The following GAP43 variants were observed in gnomAD, a reference collection of about 807,000 sequenced individuals.
The protein encoded by GAP43 is growth associated protein 43.
A neutral mutation model predicts 18.6 loss-of-function variants in GAP43; 6 were observed. That is an observed-to-expected ratio of 0.32 (90% confidence interval 0.18 to 0.64). The LOEUF (loss-of-function observed/expected upper bound fraction) is 0.64. Among genes scored for constraint, GAP43 ranks in the 30% least tolerant of loss-of-function variants. The pLI, the probability that GAP43 is intolerant of heterozygous loss-of-function variation, is 0.78. For synonymous variants in GAP43, 115 were observed against 111.4 expected (o/e 1.03, Z -0.20); for missense variants, 292 against 295.5 (o/e 0.99, Z 0.09).
chr3:115,672,203 G>A (rs902209768), intron 1 of GAP43, among the ~76,000 whole-genome samples: 2 of 152,142 alleles, frequency 1.3e-5, no homozygotes, highest in African/African-American at 2.4e-5. Context: ...TCCCTCACTC[G>A]CTGTATGAAT....
chr3:115,670,147 T>TC (rs1171232270), intron 1 of GAP43, among the ~76,000 whole-genome samples: 3 of 57,444 alleles, frequency 5.2e-5, no homozygotes, highest in African/African-American at 6.9e-5. Context: ...CCCTCCCCCC[T>TC]CCCCCGACCC....
At chr3:115,704,914 GAAC>G (rs1032653466) in intron 2 of GAP43, among the ~76,000 whole-genome samples, 3 of 152,076 alleles carry the variant, frequency 2.0e-5, no homozygotes, top group African/African-American at 7.2e-5. Flanking sequence ...GTAATTTCAT[GAAC>G]AACTACAAGC....
intron 2 of GAP43, among the ~76,000 whole-genome samples, chr3:115,717,886 C>T (rs376019519): frequency 2.6e-5 from 4 of 152,120 alleles, no homozygotes; most frequent in African/African-American, 9.7e-5. Context: ...TGTCCTAGGA[C>T]CAGGCAATGG....
At chr3:115,652,486 G>A (rs2107476140) in intron 1 of GAP43, among the ~76,000 whole-genome samples, 1 of 145,660 alleles carries the variant, frequency 6.9e-6, no homozygotes, top group Non-Finnish European at 1.5e-5. Flanking sequence ...CTGGGATCAA[G>A]CAATTCTCCC....
chr3:115,652,941 T>C (rs530262148), intron 1 of GAP43, among the ~76,000 whole-genome samples: 1 of 152,186 alleles, frequency 6.6e-6, no homozygotes, highest in Non-Finnish European at 1.5e-5. Flanking sequence ...TGCAACTGAA[T>C]GTGTTCTGCT....
intron 1 of GAP43, among the ~76,000 whole-genome samples, chr3:115,661,709 C>T (rs955746707): frequency 6.6e-6 from 1 of 151,854 alleles, no homozygotes; most frequent in Non-Finnish European, 1.5e-5. Flanking sequence ...AGGATGGTCT[C>T]GATCTCCTGA....
rs754424054 is a variant in GAP43, at chr3:115,623,687, A to G, written c.-3A>G. 6.2e-7 allele frequency: 1 copy of G among 1,614,212 alleles called. No individual in the cohort carries two copies. Among genetic ancestry groups the G allele is most frequent in the Non-Finnish European group, 8.5e-7 (1 of 1,180,004 alleles). ...CAGGAAGAAGGCAAGGGACGAGACA[A>G]CCATGCTGTGCTGTATGAGAAGAAC... is the stretch of plus-strand genomic sequence containing the variant. On this transcript the variant is annotated 5_prime_UTR_variant, in exon 1 of 3. Coordinates refer to ENST00000305124, the MANE Select transcript of GAP43 (RefSeq NM_002045.4).
chr3:115,676,138 A>T lies in GAP43; in HGVS notation c.156A>T (p.Lys52Asn). 6.2e-7 allele frequency: 1 copy of T among 1,614,208 alleles called. No homozygotes were observed. Residue 52 changes from lysine to asparagine, a missense_variant, in exon 2 of 3, where the codon AAA becomes AAT. Transcript: ENST00000305124. ...GACACATAACAAGGAAAAAGCTCAA[A>T]GGAGAGAAGAAGGATGATGTCCAAG... Reference protein sequence around the residue: ...FRGHITRKKLKGEKKDDVQAA... With the variant: ...FRGHITRKKLNGEKKDDVQAA...
At chr3:115,688,006 A>ATTATTTAT (rs59423282) in intron 2 of GAP43, among the ~76,000 whole-genome samples, 253 of 149,900 alleles carry the variant, frequency 1.7e-3, no homozygotes, top group African/African-American at 4.5e-3. Context: ...AAATTTTTTT[A>ATTATTTAT]TTATTTATTT....
chr3:115,666,515 G>C (rs1708736208), intron 1 of GAP43, among the ~76,000 whole-genome samples: 2 of 152,274 alleles, frequency 1.3e-5, no homozygotes, highest in South Asian at 2.1e-4. Context: ...CAATAATTAT[G>C]ATGAGAATAA....
chr3:115,650,959 T>C (rs571851771), intron 1 of GAP43, among the ~76,000 whole-genome samples: 57 of 151,876 alleles, frequency 3.8e-4, no homozygotes, highest in Non-Finnish European at 7.4e-4. Flanking sequence ...ACCTTGTCTC[T>C]ACAAAAAAAT....
intron 2 of GAP43, among the ~76,000 whole-genome samples, chr3:115,700,732 A>G (rs1709288212): frequency 2.0e-5 from 3 of 152,280 alleles, no homozygotes; most frequent in South Asian, 4.1e-4. Flanking sequence ...ACTTTCCTGA[A>G]TTCACTAATT....
At chr3:115,702,104 T>C (rs2107368672) in intron 2 of GAP43, among the ~76,000 whole-genome samples, 1 of 152,138 alleles carries the variant, frequency 6.6e-6, no homozygotes, top group South Asian at 2.1e-4. Context: ...AGACATAGGA[T>C]TGGAGCCAGG....
chr3:115,687,706 C>T (rs79452104), intron 2 of GAP43, among the ~76,000 whole-genome samples: 10,387 of 152,214 alleles, frequency 0.068, 498 homozygotes, highest in Non-Finnish European at 0.1. Flanking sequence ...CAATCCCCTA[C>T]ACCTCTACCA....
At chr3:115,679,469 G>A (rs188785599) in intron 2 of GAP43, among the ~76,000 whole-genome samples, 7 of 152,264 alleles carry the variant, frequency 4.6e-5, no homozygotes, top group African/African-American at 1.4e-4. Flanking sequence ...CACGCTGCCT[G>A]CCCAGCTTTT....
intron 2 of GAP43, among the ~76,000 whole-genome samples, chr3:115,690,440 C>T (rs554809229): frequency 1.3e-5 from 2 of 152,224 alleles, no homozygotes; most frequent in East Asian, 1.9e-4. Flanking sequence ...CTTTGAACAC[C>T]TCATAAAGAG....
chr3:115,663,997 G>T, intron 1 of GAP43: 1 of 1,342,282 alleles, frequency 7.4e-7, no homozygotes, highest in South Asian at 1.4e-5. Context: ...GTATGACTTT[G>T]AGCAAATTAC....
intron 2 of GAP43, among the ~76,000 whole-genome samples, chr3:115,708,057 AAC>A (rs1200319150): frequency 6.6e-6 from 1 of 152,138 alleles, no homozygotes; most frequent in African/African-American, 2.4e-5. Context: ...AGTATCTAGA[AAC>A]ATACTTTCCA....
At chr3:115,719,952 T>C (rs1426568453) in intron 2 of GAP43, among the ~76,000 whole-genome samples, 1 of 152,220 alleles carries the variant, frequency 6.6e-6, no homozygotes, top group African/African-American at 2.4e-5. Flanking sequence ...GGAAAATTTT[T>C]CTTCAAAAAG....
Sources: gnomAD v4.1 joint callset for allele counts (sites outside exome capture counted in the v4.1 genomes callset) on GRCh38, gnomAD v4.1.1 for gene constraint, MANE v1.5 for transcripts, NCBI Gene and HGNC (gene_info 2026-07-23, HGNC 2026-07-21) for gene names.